ALK: variants seen among roughly 807,000 people sequenced by gnomAD.
ALK encodes the protein ALK tyrosine kinase receptor.
In ALK, 74 loss-of-function variants were observed where a neutral mutation model predicts 163.1. That is an observed-to-expected ratio of 0.45 (90% CI 0.38 to 0.55). ALK has a LOEUF of 0.55. Among genes scored for constraint, ALK ranks in the 20% least tolerant of loss-of-function variants. The probability of loss-of-function intolerance (pLI) is 0.00; values close to 1 mark genes in which losing one functional copy is unlikely to be tolerated. For missense variants in ALK, 2,063 were observed against 2,105.3 expected, an observed-to-expected ratio of 0.98 and a Z score of 0.39; for synonymous variants, 960 against 843.2, an observed-to-expected ratio of 1.14 and a Z score of -2.40.
intron 5 of ALK, among the ~76,000 whole-genome samples, chr2:29,351,777 G>A (rs1211540469): frequency 6.6e-6 from 1 of 151,806 alleles, no homozygotes; most frequent in Non-Finnish European, 1.5e-5. Context: ...TAGGGTGGGA[G>A]AGGCAGACCC....
At chr2:29,786,802 T>C (rs1664040263) in intron 1 of ALK, among the ~76,000 whole-genome samples, 1 of 152,012 alleles carries the variant, frequency 6.6e-6, no homozygotes, top group Non-Finnish European at 1.5e-5. Flanking sequence ...TGTTTGTTTG[T>C]TTGTTTTGAG....
At chr2:29,774,551 AG>A (rs1681119028) in intron 1 of ALK, among the ~76,000 whole-genome samples, 1 of 152,252 alleles carries the variant, frequency 6.6e-6, no homozygotes, top group Non-Finnish European at 1.5e-5. Context: ...AGAAGAAACC[AG>A]GATTCCCAAA....
At chr2:29,892,843 G>A (rs940840962) in intron 1 of ALK, among the ~76,000 whole-genome samples, 1 of 152,146 alleles carries the variant, frequency 6.6e-6, no homozygotes, top group Admixed American at 6.5e-5. Context: ...TTGTGGTAGA[G>A]GGGGGAGAAT....
chr2:29,423,887 T>G (rs999264400), intron 4 of ALK, among the ~76,000 whole-genome samples: 1 of 152,174 alleles, frequency 6.6e-6, no homozygotes, highest in Non-Finnish European at 1.5e-5. Flanking sequence ...TTATAAAATA[T>G]TAAAACAATA....
chr2:29,813,972 G>A (rs999442492), intron 1 of ALK, among the ~76,000 whole-genome samples: 6 of 152,154 alleles, frequency 3.9e-5, no homozygotes, highest in Non-Finnish European at 7.3e-5. Flanking sequence ...AGTAACATCC[G>A]AGAGGCTATC....
intron 4 of ALK, among the ~76,000 whole-genome samples, chr2:29,472,691 A>G (rs957298311): frequency 2.8e-4 from 43 of 152,234 alleles, no homozygotes; most frequent in Non-Finnish European, 3.1e-4. Flanking sequence ...ATACACAGTC[A>G]ATACTGTATA....
At position 29,597,077 on chromosome 2, in the gene ALK, A is replaced by C. The variant is rs114757872; in HGVS notation, c.953-64961T>G. Reference sequence around the variant, plus strand: ...CATCCCCCACTTTGAAACAGACACAAAAAAAATAGCACTCCCTCAGAGGCT... The same window carrying C: ...CATCCCCCACTTTGAAACAGACACACAAAAAATAGCACTCCCTCAGAGGCT... On this transcript the variant is annotated intron_variant, in intron 3 of 28. Transcript: ENST00000389048. 4.9e-3 allele frequency among the ~76,000 whole-genome samples: 743 copies of C among 152,260 alleles called. 8 individuals carry two copies. The highest frequency in any genetic ancestry group is 0.016 in the African/African-American group (648 of 41,548).
rs760637776 is a variant in ALK, at chr2:29,791,574, C to A, written c.668-73877G>T. 3.3e-5 allele frequency among the ~76,000 whole-genome samples: 5 copies of A among 151,962 alleles called. No individual in the cohort carries two copies. In the East Asian group the frequency reaches 9.6e-4, roughly 29 times the overall value. ...GCAAACCACCATGGCATGTGTATAC[C>A]TATGTAACAAACCTGCACATTCTGC... On this transcript the variant is annotated intron_variant, in intron 1 of 28. Transcript: ENST00000389048.
At chr2:29,878,437 C>A (rs979387085) in intron 1 of ALK, among the ~76,000 whole-genome samples, 1 of 152,158 alleles carries the variant, frequency 6.6e-6, no homozygotes, top group African/African-American at 2.4e-5. Flanking sequence ...GAAACTGAGG[C>A]TCACATGACT....
intron 3 of ALK, among the ~76,000 whole-genome samples, chr2:29,563,494 C>G (rs1206002045): frequency 6.6e-6 from 1 of 152,214 alleles, no homozygotes; most frequent in East Asian, 1.9e-4. Context: ...TCATGGCCTT[C>G]ACCTGAGATC....
chr2:29,467,989 G>A lies in ALK; in HGVS notation c.1154+63926C>T, dbSNP rs143065288. Among the ~76,000 whole-genome samples, 340 of 151,638 alleles carry A rather than the reference G, an allele frequency of 2.2e-3. 3 individuals are homozygous for A. Among genetic ancestry groups the A allele is most frequent in the African/African-American group, 7.8e-3 (322 of 41,348 alleles). On this transcript the variant is annotated intron_variant, in intron 4 of 28. Coordinates refer to ENST00000389048, the MANE Select transcript of ALK (RefSeq NM_004304.5). Reference sequence around the variant, plus strand: ...TTTAATATCCAACATGATAAGAATCGATATATATAACTCACATGAACAAAA... The same window carrying A: ...TTTAATATCCAACATGATAAGAATCAATATATATAACTCACATGAACAAAA...
chr2:29,665,318 C>T lies in ALK; in HGVS notation c.952+29532G>A, dbSNP rs559575786. Among the ~76,000 whole-genome samples, 7 of 152,078 alleles carry T rather than the reference C, an allele frequency of 4.6e-5. No homozygotes were observed. The South Asian group carries it at 1.5e-3, about 32-fold the overall frequency. On this transcript the variant is annotated intron_variant, in intron 3 of 28. Coordinates refer to ENST00000389048, the MANE Select transcript of ALK (RefSeq NM_004304.5). ...CCTCTTTGAGGCTGGCTTCCACAAC[C>T]CCTGACCCTCCTAACCTCCCGCTTT...
intron 4 of ALK, among the ~76,000 whole-genome samples, chr2:29,499,573 A>T (rs929891562): frequency 6.6e-6 from 1 of 151,918 alleles, no homozygotes; most frequent in Admixed American, 6.6e-5. Context: ...TCTCCCACAC[A>T]TCTCCCTGGT....
chr2:29,579,576 A>C (rs1046418140), intron 3 of ALK, among the ~76,000 whole-genome samples: 2 of 152,168 alleles, frequency 1.3e-5, no homozygotes, highest in African/African-American at 4.8e-5. Context: ...TCCTCTATAC[A>C]CTTTGGTGAT....
chr2:29,565,792 C>T (rs1674165802), intron 3 of ALK, among the ~76,000 whole-genome samples: 1 of 152,178 alleles, frequency 6.6e-6, no homozygotes, highest in African/African-American at 2.4e-5. Context: ...TCAACATAAA[C>T]TCTGCTTCAC....
At chr2:29,257,251 A>G (rs557946217) in intron 11 of ALK, among the ~76,000 whole-genome samples, 2,164 of 152,280 alleles carry the variant, frequency 0.014, 64 homozygotes, top group African/African-American at 0.049. Context: ...AGAAAAAAAA[A>G]AAGAACTGCC....
chr2:29,700,281 C>A (rs1678693608), intron 2 of ALK, among the ~76,000 whole-genome samples: 1 of 152,194 alleles, frequency 6.6e-6, no homozygotes, highest in Non-Finnish European at 1.5e-5. Flanking sequence ...TGCAGTGACT[C>A]ACGCCTGTAA....
At chr2:29,209,978 T>G in intron 24 of ALK, 100 bp from the exon 25 acceptor site, 1 of 896,540 alleles carries the variant, frequency 1.1e-6, no homozygotes, top group Non-Finnish European at 1.8e-6. Flanking sequence ...GTTTAAATAG[T>G]TCCTTCCCTT....
intron 4 of ALK, among the ~76,000 whole-genome samples, chr2:29,478,362 C>T (rs1004231210): frequency 6.6e-6 from 1 of 152,252 alleles, no homozygotes; most frequent in African/African-American, 2.4e-5. Context: ...AGCCCCAGAA[C>T]AGCCTTCACA....
Sources: gnomAD v4.1 joint callset for allele counts (sites outside exome capture counted in the v4.1 genomes callset) on GRCh38, gnomAD v4.1.1 for gene constraint, MANE v1.5 for transcripts, NCBI Gene and HGNC (gene_info 2026-07-23, HGNC 2026-07-21) for gene names.